Variants in TIAM2 observed in about 807,000 individuals in gnomAD.
The protein encoded by TIAM2 is rho guanine nucleotide exchange factor TIAM2.
A neutral mutation model predicts 152.9 loss-of-function variants in TIAM2; 80 were observed. The ratio of observed to expected loss-of-function variants is 0.52; its 90% confidence interval spans 0.44 to 0.63. TIAM2 has a LOEUF of 0.63. Ranked by LOEUF, TIAM2 falls within the 30% of genes least tolerant of loss-of-function variation. The pLI, the probability that TIAM2 is intolerant of heterozygous loss-of-function variation, is 0.00. For missense variants in TIAM2, 1,965 were observed against 2,120.1 expected (o/e 0.93, Z 1.44); for synonymous variants, 804 against 838.0 (o/e 0.96, Z 0.70).
At chr6:155,194,328 G>A (rs1181675691) in intron 14 of TIAM2, among the ~76,000 whole-genome samples, 2 of 152,174 alleles carry the variant, frequency 1.3e-5, no homozygotes, top group Non-Finnish European at 2.9e-5. Flanking sequence ...ACGGAGCTGC[G>A]AGCAGCCTGG....
At chr6:155,209,125 C>G (rs1282037155) in intron 14 of TIAM2, among the ~76,000 whole-genome samples, 1 of 152,044 alleles carries the variant, frequency 6.6e-6, no homozygotes, top group Non-Finnish European at 1.5e-5. Flanking sequence ...CACTCAGCAG[C>G]CTGTGGGCTT....
chr6:155,088,631 G>A (rs1193852155), intron 1 of TIAM2, among the ~76,000 whole-genome samples: 1 of 152,152 alleles, frequency 6.6e-6, no homozygotes, highest in African/African-American at 2.4e-5. Context: ...ACTGGGCTGA[G>A]CTCACTGAGG....
Position 155,164,543 on chromosome 6 carries a change from C to T in TIAM2, c.2157C>T (p.Pro719=), listed in dbSNP as rs1189562509. 6.2e-7 allele frequency: 1 copy of T among 1,614,162 alleles called. No individual in the cohort carries two copies. The highest frequency in any genetic ancestry group is 1.1e-5 in the South Asian group (1 of 91,076). Residue 719 remains proline (P), a synonymous_variant, in exon 8 of 27, where the codon CCC becomes CCT. Coordinates refer to ENST00000682666, the MANE Select transcript of TIAM2 (RefSeq NM_012454.4). Reference sequence around the variant, plus strand: ...GTCTCCTTGCAGCCGCCAGCCGCCCCTCCAAGCTGGCCCTCGGCAGGCTGG... The same window carrying T: ...GTCTCCTTGCAGCCGCCAGCCGCCCTTCCAAGCTGGCCCTCGGCAGGCTGG... ...PKSLLAAASR[P]SKLALGRLGI... is the part of the protein sequence containing the mutation.
intron 1 of TIAM2, among the ~76,000 whole-genome samples, chr6:155,042,166 G>C (rs1449980797): frequency 6.6e-6 from 1 of 151,898 alleles, no homozygotes; most frequent in Non-Finnish European, 1.5e-5. Context: ...GCTGCCTCAG[G>C]TGTCATAATC....
At chr6:155,062,949 A>G (rs551089689) in intron 1 of TIAM2, among the ~76,000 whole-genome samples, 25 of 152,296 alleles carry the variant, frequency 1.6e-4, no homozygotes, top group African/African-American at 5.8e-4. Flanking sequence ...TTATTTGCCA[A>G]CAGTATGTCT....
At chr6:155,051,329 C>T (rs1777312463) in intron 1 of TIAM2, among the ~76,000 whole-genome samples, 1 of 152,156 alleles carries the variant, frequency 6.6e-6, no homozygotes, top group Non-Finnish European at 1.5e-5. Context: ...CCGCTTACTC[C>T]CATCCATGGG....
chr6:155,045,323 A>G (rs559382176), intron 1 of TIAM2, among the ~76,000 whole-genome samples: 1 of 151,916 alleles, frequency 6.6e-6, no homozygotes, highest in African/African-American at 2.4e-5. Flanking sequence ...TGGCCTCCCA[A>G]AATGCTGGGA....
intron 14 of TIAM2, among the ~76,000 whole-genome samples, chr6:155,201,615 G>A (rs1162167351): frequency 6.6e-6 from 1 of 152,214 alleles, no homozygotes; most frequent in Non-Finnish European, 1.5e-5. Flanking sequence ...CCTGCCTGGC[G>A]AAGGAAGATA....
chr6:155,058,043 T>C (rs1777493651), intron 1 of TIAM2, among the ~76,000 whole-genome samples: 1 of 152,172 alleles, frequency 6.6e-6, no homozygotes, highest in South Asian at 2.1e-4. Flanking sequence ...GTTTTGACCA[T>C]TGGAGCTCTT....
intron 1 of TIAM2, among the ~76,000 whole-genome samples, chr6:155,003,523 T>C (rs753177022): frequency 3.9e-5 from 6 of 152,146 alleles, no homozygotes; most frequent in Non-Finnish European, 8.8e-5. Context: ...ACAGCCTCCC[T>C]GGCCCCAGAG....
At chr6:155,021,714 T>C (rs182530321) in intron 1 of TIAM2, among the ~76,000 whole-genome samples, 6 of 152,334 alleles carry the variant, frequency 3.9e-5, no homozygotes, top group Non-Finnish European at 8.8e-5. Flanking sequence ...AGTTGCCTCA[T>C]TTAAACAGAT....
At chr6:155,118,429 CTTTTTCTTTT>C (rs1192708104) in intron 2 of TIAM2, among the ~76,000 whole-genome samples, 74 of 132,360 alleles carry the variant, frequency 5.6e-4, no homozygotes, top group African/African-American at 1.9e-3. Flanking sequence ...TTTTCTTTTT[CTTTTTCTTTT>C]TTTTTTTTTT....
At chr6:155,049,885 A>C (rs1191610841) in intron 1 of TIAM2, among the ~76,000 whole-genome samples, 1 of 152,214 alleles carries the variant, frequency 6.6e-6, no homozygotes, top group Non-Finnish European at 1.5e-5. Flanking sequence ...CACCATGATG[A>C]AAGTTTGAGT....
At chr6:155,029,151 TAC>T (rs1776727724) in intron 1 of TIAM2, among the ~76,000 whole-genome samples, 1 of 117,742 alleles carries the variant, frequency 8.5e-6, no homozygotes, top group African/African-American at 3.1e-5. Context: ...ACACTATATG[TAC>T]TATGTGTTAT....
At chr6:155,190,763 C>T (rs908973076) in intron 14 of TIAM2, among the ~76,000 whole-genome samples, 1 of 151,918 alleles carries the variant, frequency 6.6e-6, no homozygotes, top group African/African-American at 2.4e-5. Flanking sequence ...TGAGCCGGCT[C>T]TCTGTGAAGC....
chr6:155,040,276 T>C (rs1219359641), intron 1 of TIAM2, among the ~76,000 whole-genome samples: 1 of 152,162 alleles, frequency 6.6e-6, no homozygotes, highest in Non-Finnish European at 1.5e-5. Flanking sequence ...TTTAGAATAA[T>C]CTCATTACTT....
At chr6:155,206,690 T>A (rs576193440) in intron 14 of TIAM2, among the ~76,000 whole-genome samples, 1 of 152,212 alleles carries the variant, frequency 6.6e-6, no homozygotes, top group Non-Finnish European at 1.5e-5. Context: ...GGGACCAGAC[T>A]GTAACTTGGG....
At chr6:155,234,383 C>T (rs1037639841) in intron 15 of TIAM2, among the ~76,000 whole-genome samples, 1 of 152,218 alleles carries the variant, frequency 6.6e-6, no homozygotes, top group Non-Finnish European at 1.5e-5. Context: ...GAACTCCTGC[C>T]TCAGCATCGT....
At chr6:155,241,609 C>G (rs1453531180) in intron 16 of TIAM2, among the ~76,000 whole-genome samples, 2 of 152,184 alleles carry the variant, frequency 1.3e-5, no homozygotes, top group African/African-American at 2.4e-5. Context: ...TGAGCTTCCC[C>G]CTTTTGTTGA....
Sources: gnomAD v4.1 joint callset for allele counts (sites outside exome capture counted in the v4.1 genomes callset) on GRCh38, gnomAD v4.1.1 for gene constraint, MANE v1.5 for transcripts, NCBI Gene and HGNC (gene_info 2026-07-23, HGNC 2026-07-21) for gene names.